Variants in CFAP97 observed in about 807,000 individuals in gnomAD.
The protein encoded by CFAP97 is cilia and flagella associated protein 97, also known as cilia- and flagella-associated protein 97.
In CFAP97, 36 loss-of-function variants were observed where a neutral mutation model predicts 43.1. The ratio of observed to expected loss-of-function variants is 0.84; its 90% confidence interval spans 0.64 to 1.10. The LOEUF (loss-of-function observed/expected upper bound fraction) is 1.10, where lower values mean the gene tolerates loss of function less well. Ranked by LOEUF, CFAP97 falls within the 50% of genes least tolerant of loss-of-function variation. The pLI is 0.00. For missense variants in CFAP97, 657 were observed against 620.3 expected (o/e 1.06, Z -0.63); for synonymous variants, 228 against 225.7 (o/e 1.01, Z -0.09).
rs765059730 is a variant in CFAP97 at position 185,190,183 on chromosome 4, T to C, written c.1014A>G (p.Lys338=). 121 of 1,596,230 alleles carry C rather than the reference T, an allele frequency of 7.6e-5. No homozygotes were observed. Among genetic ancestry groups the C allele is most frequent in the Non-Finnish European group, 1.0e-4 (119 of 1,173,168 alleles). Residue 338 remains lysine, a synonymous_variant, in exon 2 of 5, where the codon AAA becomes AAG. Transcript: ENST00000458385. ...DSSLDHRHKQ[K]VLHDTMDLNH... is the part of the protein sequence containing the mutation. Reference sequence around the variant, plus strand: ...TCAGATCCATTGTGTCATGTAAGACTTTCTGTTTATGTCTGTGGTCTAAAC... The same window carrying C: ...TCAGATCCATTGTGTCATGTAAGACCTTCTGTTTATGTCTGTGGTCTAAAC...
intron 2 of CFAP97, among the ~76,000 whole-genome samples, chr4:185,179,311 A>G (rs1026980787): frequency 6.6e-6 from 1 of 152,134 alleles, no homozygotes; most frequent in Admixed American, 6.5e-5. Flanking sequence ...AAGATATAAA[A>G]TCTTTAAATT....
rs1737059520 is a variant in CFAP97, at chr4:185,203,926, G to T, written c.-45C>A. 6.6e-6 allele frequency: 1 copy of T among 151,482 alleles called. No homozygotes were observed. Among genetic ancestry groups the T allele is most frequent in the South Asian group, 2.1e-4 (1 of 4,824 alleles). 9.4% of individuals were successfully genotyped at this position (151,482 alleles called of 1,614,324 possible). A position where few individuals can be genotyped will look rare whatever the true frequency, so the allele number is the denominator to read the frequency against. ...AGAGCCGCGGCCACCACAGCCCCAC[G>T]CGCGGCGCTGGCGCACTCCCGCGGC... On this transcript the variant is annotated 5_prime_UTR_variant, in exon 1 of 5. Transcript: ENST00000458385.
chr4:185,179,390 G>A (rs562316596), intron 2 of CFAP97, among the ~76,000 whole-genome samples: 59 of 152,212 alleles, frequency 3.9e-4, no homozygotes, highest in African/African-American at 1.2e-3. Context: ...GCCCTTTTGC[G>A]TTAAATCTGG....
chr4:185,166,506 T>C (rs561871804), intron 3 of CFAP97, among the ~76,000 whole-genome samples: 2 of 152,344 alleles, frequency 1.3e-5, no homozygotes, highest in Admixed American at 1.3e-4. Flanking sequence ...ATTAAACTCC[T>C]AGTGTCCTAA....
At position 185,164,269 on chromosome 4, in the gene CFAP97, CTTTCT is replaced by C. The variant is rs1286257026; in HGVS notation, c.1321-95_1321-91del. On this transcript the variant is annotated intron_variant, in intron 3 of 4. Coordinates refer to ENST00000458385, the MANE Select transcript of CFAP97 (RefSeq NM_020827.3). ...CATTCTAGAGCCTGACATTCACTTT[CTTTCT>C]TTTTTTTTTTAAGAGACAAGATCTT... The C allele has an allele frequency of 1.0e-4, 127 of 1,224,332 alleles. No individual in the cohort carries two copies. The African/African-American group carries it at 2.0e-3, about 19-fold the overall frequency. 75.8% of individuals were successfully genotyped at this position (1,224,332 alleles called of 1,614,324 possible). A position where few individuals can be genotyped will look rare whatever the true frequency, so the allele number is the denominator to read the frequency against.
At chr4:185,202,750 C>A (rs1490548581) in intron 1 of CFAP97, among the ~76,000 whole-genome samples, 2 of 152,106 alleles carry the variant, frequency 1.3e-5, no homozygotes, top group Non-Finnish European at 2.9e-5. Context: ...GGTGCATAGT[C>A]CGGTGCCTGT....
In CFAP97 at chr4:185,190,254, GTT is replaced by G; in HGVS notation, c.941_942del (p.Lys314ThrfsTer2). 6 of 1,613,394 alleles carry G rather than the reference GTT, an allele frequency of 3.7e-6. No homozygotes were observed. Among genetic ancestry groups the G allele is most frequent in the Non-Finnish European group, 5.1e-6 (6 of 1,179,530 alleles). On this transcript the variant is annotated frameshift_variant, in exon 2 of 5. Coordinates refer to ENST00000458385, the MANE Select transcript of CFAP97 (RefSeq NM_020827.3). LOFTEE classifies it high-confidence loss of function. Reference sequence around the variant, plus strand: ...GACTTTGAGGAGACATCAGGCTCATGTTTTTCTTTCCCTTTTTTGGCTGCTTT... The same window carrying G: ...GACTTTGAGGAGACATCAGGCTCATGTTTCTTTCCCTTTTTTGGCTGCTTT... ...YLKAAKKGKEKHEPDVSSKSS... is the reference protein window; with the variant it reads ...YLKAAKKGKEXHEPDVSSKSS...
Position 185,161,061 on chromosome 4 carries a change from G to C in CFAP97, c.*1737C>G, listed in dbSNP as rs150321900. 3.3e-5 allele frequency: 5 copies of C among 151,778 alleles called. No individual in the cohort carries two copies. The East Asian group carries it at 7.7e-4, about 23-fold the overall frequency. 9.4% of individuals were successfully genotyped at this position (151,778 alleles called of 1,614,324 possible). A position where few individuals can be genotyped will look rare whatever the true frequency, so the allele number is the denominator to read the frequency against. On this transcript the variant is annotated 3_prime_UTR_variant, in exon 5 of 5. Coordinates refer to ENST00000458385, the MANE Select transcript of CFAP97 (RefSeq NM_020827.3). ...ATTATCTTCTCTCTCTTGAAATATA[G>C]GTTATATAAACAGTAAAAGTACAGT...
At chr4:185,174,339 C>T (rs532846185) in intron 3 of CFAP97, among the ~76,000 whole-genome samples, 1 of 152,216 alleles carries the variant, frequency 6.6e-6, no homozygotes, top group Admixed American at 6.5e-5. Flanking sequence ...TATCATCTAT[C>T]TCAGCTCCCA....
chr4:185,175,698 T>A lies in CFAP97; in HGVS notation c.1320+88A>T, dbSNP rs1735487818. 6.5e-6 allele frequency: 8 copies of A among 1,222,292 alleles called. No homozygotes were observed. The East Asian group carries it at 1.9e-4, about 29-fold the overall frequency. The allele number at this position is 1,222,292 out of a possible 1,614,324, so 75.7% of individuals were successfully genotyped here. On this transcript the variant is annotated intron_variant, in intron 3 of 4. Transcript: ENST00000458385. Reference sequence around the variant, plus strand: ...GCTTTTATGTAATGAAGTTTGAATATTTGGCTGTATTTAGGTTTCCTGTAA... The same window carrying A: ...GCTTTTATGTAATGAAGTTTGAATAATTGGCTGTATTTAGGTTTCCTGTAA...
chr4:185,178,230 C>T (rs1326675245), intron 2 of CFAP97, among the ~76,000 whole-genome samples: 3 of 141,490 alleles, frequency 2.1e-5, no homozygotes, highest in Non-Finnish European at 3.0e-5. Context: ...TTTCCCCTAA[C>T]GGTTTTTGTC....
At chr4:185,198,448 A>C (rs951339531) in intron 1 of CFAP97, among the ~76,000 whole-genome samples, 5 of 121,618 alleles carry the variant, frequency 4.1e-5, no homozygotes, top group African/African-American at 1.4e-4. Context: ...GTCTTAAAAA[A>C]AAAAAAAAGA....
At chr4:185,171,107 G>C (rs1735287082) in intron 3 of CFAP97, among the ~76,000 whole-genome samples, 1 of 151,076 alleles carries the variant, frequency 6.6e-6, no homozygotes, top group Non-Finnish European at 1.5e-5. Flanking sequence ...TATGCTAACA[G>C]GTACAGAAAT....
rs189087061 is a variant in CFAP97, at chr4:185,193,368, C to A, written c.-16-2156G>T. Reference sequence around the variant, plus strand: ...TTTCCAATAATAAAACAGCAAAAGGCCAGGCACGGTGGCTCATGCTGTAAT... The same window carrying A: ...TTTCCAATAATAAAACAGCAAAAGGACAGGCACGGTGGCTCATGCTGTAAT... On this transcript the variant is annotated intron_variant, in intron 1 of 4. Transcript: ENST00000458385. Among the ~76,000 whole-genome samples the A allele has an allele frequency of 9.9e-5, 15 of 152,188 alleles. No individual in the cohort carries two copies. In the East Asian group the frequency reaches 2.9e-3, roughly 29 times the overall value.
chr4:185,175,723 A>C, intron 3 of CFAP97, 63 bp downstream of exon 3: 1 of 1,493,804 alleles, frequency 6.7e-7, no homozygotes, highest in Non-Finnish European at 9.2e-7. Flanking sequence ...GTTTCCTGTA[A>C]GCTGGACATA....
At chr4:185,164,600 T>C (rs1028980480) in intron 3 of CFAP97, among the ~76,000 whole-genome samples, 1 of 152,202 alleles carries the variant, frequency 6.6e-6, no homozygotes, top group African/African-American at 2.4e-5. Context: ...GTAAAGCCCC[T>C]TCCTCATCTC....
At chr4:185,196,427 T>A (rs3112877) in intron 1 of CFAP97, among the ~76,000 whole-genome samples, 76,157 of 149,988 alleles carry the variant, frequency 0.51, 19,482 homozygotes, top group East Asian at 0.6. Flanking sequence ...TGAGCTGAGA[T>A]CATGCTTCCA....
chr4:185,206,133 T>C (rs780361802), upstream of CFAP97, among the ~76,000 whole-genome samples: 4 of 152,214 alleles, frequency 2.6e-5, no homozygotes, highest in Admixed American at 2.6e-4. Context: ...TAGAATTATA[T>C]GACCCAGCAA....
chr4:185,202,676 G>A (rs1230277218), intron 1 of CFAP97, among the ~76,000 whole-genome samples: 1 of 152,146 alleles, frequency 6.6e-6, no homozygotes, highest in Non-Finnish European at 1.5e-5. Flanking sequence ...CCATGATAAG[G>A]TCATGCAGTC....
Sources: allele counts gnomAD v4.1 joint callset (sites outside exome capture counted in the v4.1 genomes callset), GRCh38; gene constraint gnomAD v4.1.1; transcripts MANE v1.5; gene names NCBI Gene and HGNC (gene_info 2026-07-23, HGNC 2026-07-21).